The following SINHCAF variants were observed in gnomAD, a reference collection of about 807,000 sequenced individuals.
SINHCAF encodes SIN3-HDAC complex-associated factor.
SINHCAF carries 3 observed loss-of-function variants against 25.8 expected under a neutral mutation model. The observed-to-expected ratio is 0.12, with a 90% CI of 0.05 to 0.30. The LOEUF (loss-of-function observed/expected upper bound fraction) is 0.30. SINHCAF is among the 10% of genes least tolerant of loss of function. The pLI is 1.00. For missense variants in SINHCAF, 121 were observed against 262.3 expected (o/e 0.46, Z 3.72); for synonymous variants, 70 against 85.5 (o/e 0.82, Z 1.00).
chr12:31,285,430 C>T (rs1187125137), intron 5 of SINHCAF, among the ~76,000 whole-genome samples: 4 of 151,186 alleles, frequency 2.6e-5, no homozygotes, highest in East Asian at 1.9e-4. Context: ...CACACACACA[C>T]ACACACACAC....
chr12:31,299,565 C>G (rs773962936), intron 1 of SINHCAF, among the ~76,000 whole-genome samples: 3 of 152,178 alleles, frequency 2.0e-5, no homozygotes, highest in Non-Finnish European at 4.4e-5. Flanking sequence ...ATCCACCCGT[C>G]TCGGCCTCCC....
chr12:31,289,829 T>C (rs1938231955), intron 4 of SINHCAF, among the ~76,000 whole-genome samples: 1 of 151,926 alleles, frequency 6.6e-6, no homozygotes, highest in Admixed American at 6.6e-5. Context: ...TATTTTTATC[T>C]TTTGGTTTTC....
rs766888466 is a variant in SINHCAF at position 31,325,654 on chromosome 12, G to A, written c.-21+370C>T. The A allele has an allele frequency of 1.6e-4, 28 of 178,610 alleles. No homozygotes were observed. The highest frequency in any genetic ancestry group is 2.9e-4 in the Non-Finnish European group (24 of 83,098). 11.1% of individuals were successfully genotyped at this position (178,610 alleles called of 1,614,324 possible). ...TTTCCTCTCGGGCCTTTCGGCCGCCGGGCTCCTTTCCGCGAGAGAACACTG... is the reference window on the plus strand; with the variant it reads ...TTTCCTCTCGGGCCTTTCGGCCGCCAGGCTCCTTTCCGCGAGAGAACACTG... On this transcript the variant is annotated intron_variant, in intron 1 of 5. Transcript: ENST00000337682. This position sits in a 1 kb window ranked among gnomAD's most constrained non-coding sequence, Gnocchi z 5.9.
Position 31,295,291 on chromosome 12 carries a change from G to A in SINHCAF, c.171C>T (p.Val57=). The A allele has an allele frequency of 6.2e-7, 1 of 1,610,752 alleles. No homozygotes were observed. Among genetic ancestry groups the A allele is most frequent in the Non-Finnish European group, 8.5e-7 (1 of 1,179,070 alleles). Residue 57 remains valine (V), a synonymous_variant, in exon 3 of 6, where the codon GTC becomes GTT. Transcript: ENST00000337682. ...ACTTCTTCCATCTTTTCACAAGCAGGACACAGGCATTGCAGATGTCTCCTG... is the reference window on the plus strand; with the variant it reads ...ACTTCTTCCATCTTTTCACAAGCAGAACACAGGCATTGCAGATGTCTCCTG... ...TRSGDICNAC[V]LLVKRWKKLP...
intron 1 of SINHCAF, among the ~76,000 whole-genome samples, chr12:31,316,573 G>A (rs768170376): frequency 6.6e-6 from 1 of 152,036 alleles, no homozygotes. Flanking sequence ...CAAGAATAAC[G>A]TCTAATTTTA....
chr12:31,314,788 A>G (rs1201338456), intron 1 of SINHCAF, among the ~76,000 whole-genome samples: 1 of 152,198 alleles, frequency 6.6e-6, no homozygotes, highest in East Asian at 1.9e-4. Flanking sequence ...TGGTCTGCAT[A>G]TATCAAAGGA....
intron 1 of SINHCAF, chr12:31,304,345 A>G (rs1476730729): frequency 3.3e-5 from 5 of 152,218 alleles, no homozygotes; most frequent in African/African-American, 7.2e-5. Flanking sequence ...AGCATGATAT[A>G]TAACAAATGA....
chr12:31,287,607 G>T, intron 5 of SINHCAF, 27 bp downstream of exon 5: 1 of 1,551,264 alleles, frequency 6.4e-7, no homozygotes. Context: ...TGGTTTGCTG[G>T]TTAGAGAGAT....
At position 31,310,075 on chromosome 12, in the gene SINHCAF, T is replaced by G. The variant is rs538125152; in HGVS notation, c.-20-11851A>C. ...AGGAAAAAGAGATGAGCATTATGGA[T>G]GTCGTGGAAATTTCAATCCAGAAGG... On this transcript the variant is annotated intron_variant, in intron 1 of 5. Coordinates refer to ENST00000337682, the MANE Select transcript of SINHCAF (RefSeq NM_001135812.2). Among the ~76,000 whole-genome samples the G allele has an allele frequency of 6.0e-3, 919 of 152,254 alleles. 12 individuals carry two copies. Among genetic ancestry groups the G allele is most frequent in the African/African-American group, 0.021 (872 of 41,522 alleles).
At chr12:31,294,063 A>G in intron 3 of SINHCAF, 132 bp from the exon 4 acceptor site, 1 of 597,194 alleles carries the variant, frequency 1.7e-6, no homozygotes, top group Non-Finnish European at 2.8e-6. Context: ...GTGCACCTTT[A>G]ATCATCACAT....
chr12:31,305,577 T>C (rs1480333117), intron 1 of SINHCAF, among the ~76,000 whole-genome samples: 2 of 152,168 alleles, frequency 1.3e-5, no homozygotes, highest in Non-Finnish European at 2.9e-5. Context: ...TATTATTCCA[T>C]TGGTCCATTC....
intron 1 of SINHCAF, chr12:31,298,514 G>A: frequency 3.0e-6 from 1 of 331,888 alleles, no homozygotes; most frequent in South Asian, 3.2e-5. Flanking sequence ...TTTAAAATCA[G>A]GTTTTGAAGT....
intron 1 of SINHCAF, among the ~76,000 whole-genome samples, chr12:31,307,378 A>T (rs1036498241): frequency 1.3e-5 from 2 of 152,098 alleles, no homozygotes; most frequent in Non-Finnish European, 2.9e-5. Context: ...CAACATGGTA[A>T]GCCCTGTCTC....
At chr12:31,290,753 C>T (rs1052717424) in intron 4 of SINHCAF, among the ~76,000 whole-genome samples, 1 of 152,020 alleles carries the variant, frequency 6.6e-6, no homozygotes, top group African/African-American at 2.4e-5. Context: ...GAGTTTTGCT[C>T]TTGTTGCCCA....
rs1214135990 is a variant in SINHCAF at position 31,281,074 on chromosome 12, T to C, written c.*1638A>G. ...CTATAAAAGGTGGCTTACTCCTTAT[T>C]GTTATTATACTATCCAATTTTTAAA... is the stretch of plus-strand genomic sequence containing the variant. On this transcript the variant is annotated 3_prime_UTR_variant, in exon 6 of 6. Coordinates refer to ENST00000337682, the MANE Select transcript of SINHCAF (RefSeq NM_001135812.2). 1 of 152,202 alleles carries C rather than the reference T, an allele frequency of 6.6e-6. No individual in the cohort carries two copies. The highest frequency in any genetic ancestry group is 1.5e-5 in the Non-Finnish European group (1 of 68,014). 9.4% of individuals were successfully genotyped at this position (152,202 alleles called of 1,614,324 possible).
At chr12:31,312,108 C>T (rs1417819074) in intron 1 of SINHCAF, 5 of 452,304 alleles carry the variant, frequency 1.1e-5, no homozygotes, top group Non-Finnish European at 2.2e-5. Flanking sequence ...TAACAACTGA[C>T]ATTTATCACC....
chr12:31,285,726 A>G (rs929252018), intron 5 of SINHCAF, among the ~76,000 whole-genome samples: 40 of 152,274 alleles, frequency 2.6e-4, no homozygotes, highest in Admixed American at 1.8e-3. Flanking sequence ...CTGTAATCCC[A>G]GCACTTTGGG....
At chr12:31,285,586 T>C (rs2137069621) in intron 5 of SINHCAF, among the ~76,000 whole-genome samples, 1 of 152,278 alleles carries the variant, frequency 6.6e-6, no homozygotes, top group South Asian at 2.1e-4. Context: ...CCAAACTGCC[T>C]AGATTTAAAT....
In SINHCAF at chr12:31,282,666, A is replaced by C. The variant is rs1206835883; in HGVS notation, c.*46T>G. 1.3e-6 allele frequency: 2 copies of C among 1,488,094 alleles called. No homozygotes were observed. Among genetic ancestry groups the C allele is most frequent in the Non-Finnish European group, 1.8e-6 (2 of 1,108,410 alleles). 92.2% of individuals were successfully genotyped at this position (1,488,094 alleles called of 1,614,324 possible). The stretch of plus-strand genomic sequence containing the variant: ...GTTTGTAGCTTTGTGGTTTTTCAAA[A>C]TTCAGATATTTTTTTTTTTGTTCCC... On this transcript the variant is annotated 3_prime_UTR_variant, in exon 6 of 6. Coordinates refer to ENST00000337682, the MANE Select transcript of SINHCAF (RefSeq NM_001135812.2).
Sources: gnomAD v4.1 joint callset for allele counts (sites outside exome capture counted in the v4.1 genomes callset) on GRCh38, gnomAD v4.1.1 for gene constraint, Gnocchi (gnomAD v3.1) non-coding constraint, MANE v1.5 for transcripts, NCBI Gene and HGNC (gene_info 2026-07-23, HGNC 2026-07-21) for gene names.